SNX1: variants seen among roughly 807,000 people sequenced by gnomAD.
The protein encoded by SNX1 is sorting nexin 1.
In SNX1, 36 loss-of-function variants were observed where a neutral mutation model predicts 71.8. That is an observed-to-expected ratio of 0.50 (90% CI 0.38 to 0.66). The LOEUF is 0.66. SNX1 is among the 30% of genes least tolerant of loss of function. The pLI, the probability that SNX1 is intolerant of heterozygous loss-of-function variation, is 0.00. For synonymous variants in SNX1, 254 were observed against 240.7 expected, an observed-to-expected ratio of 1.06 and a Z score of -0.51; for missense variants, 612 against 646.7, an observed-to-expected ratio of 0.95 and a Z score of 0.58.
chr15:64,107,938 A>G (rs1389764527), intron 1 of SNX1, among the ~76,000 whole-genome samples: 1 of 152,190 alleles, frequency 6.6e-6, no homozygotes. Flanking sequence ...TCACGCCTGT[A>G]ATCCCAGCAC....
At chr15:64,123,378 A>C in intron 4 of SNX1, 125 bp from the exon 5 acceptor site, 1 of 793,642 alleles carries the variant, frequency 1.3e-6, no homozygotes, top group African/African-American at 1.7e-5. Flanking sequence ...TAAAGCTTGG[A>C]GATGAAACAA....
chr15:64,118,781 G>A lies in SNX1; in HGVS notation c.400-7G>A, dbSNP rs755949225. 6.2e-7 allele frequency: 1 copy of A among 1,608,482 alleles called. No homozygotes were observed. The highest frequency in any genetic ancestry group is 1.1e-5 in the South Asian group (1 of 90,594). On this transcript the variant is annotated splice_polypyrimidine_tract_variant and splice_region_variant and intron_variant, in intron 3 of 14. Transcript: ENST00000559844. ...CAACTCTCATGATTTGTCTTTTCTT[G>A]AAAAAGCTAGAGGAAGAAGAACAGG...
chr15:64,106,956 T>C (rs774154296), intron 1 of SNX1, among the ~76,000 whole-genome samples: 32 of 152,208 alleles, frequency 2.1e-4, no homozygotes, highest in Non-Finnish European at 4.3e-4. Flanking sequence ...CAATAAAAAC[T>C]AATAGGCTGT....
At chr15:64,116,760 T>C (rs747940420) in intron 2 of SNX1, among the ~76,000 whole-genome samples, 4 of 152,232 alleles carry the variant, frequency 2.6e-5, no homozygotes, top group South Asian at 2.1e-4. Flanking sequence ...CTAGTTCCAC[T>C]GCTCCAAGTT....
In SNX1 at chr15:64,144,093, G is replaced by A. The variant is rs2081441020; in HGVS notation, c.*6475G>A. 1 of 152,162 alleles carries A rather than the reference G, an allele frequency of 6.6e-6. No individual in the cohort carries two copies. Among genetic ancestry groups the A allele is most frequent in the Non-Finnish European group, 1.5e-5 (1 of 68,028 alleles). The allele number at this position is 152,162 out of a possible 1,614,324, so 9.4% of individuals were successfully genotyped here. Reference sequence around the variant, plus strand: ...ATATGGGAAGGATGTTGATTGAATTGTTAATAACTATGGTCACCTCTAGAG... The same window carrying A: ...ATATGGGAAGGATGTTGATTGAATTATTAATAACTATGGTCACCTCTAGAG... On this transcript the variant is annotated 3_prime_UTR_variant, in exon 15 of 15. Coordinates refer to ENST00000559844, the MANE Select transcript of SNX1 (RefSeq NM_003099.5). The surrounding 1 kb of genome is among the most constrained non-coding windows in gnomAD (Gnocchi z 4.3).
chr15:64,106,030 T>C (rs1329630736), intron 1 of SNX1, among the ~76,000 whole-genome samples: 1 of 152,224 alleles, frequency 6.6e-6, no homozygotes, highest in Non-Finnish European at 1.5e-5. Flanking sequence ...AATTCAGTTT[T>C]AATAAATTAA....
chr15:64,104,884 TAAA>T (rs35090758), intron 1 of SNX1, among the ~76,000 whole-genome samples: 45 of 125,594 alleles, frequency 3.6e-4, no homozygotes, highest in African/African-American at 3.3e-4. Flanking sequence ...GACTTGATCT[TAAA>T]AAAAAAAAAA....
chr15:64,107,866 T>C (rs2081038289), intron 1 of SNX1, among the ~76,000 whole-genome samples: 1 of 152,190 alleles, frequency 6.6e-6, no homozygotes, highest in African/African-American at 2.4e-5. Flanking sequence ...TGAATAGTTA[T>C]GTGACTTACT....
chr15:64,110,409 G>C (rs2081067055), intron 1 of SNX1, among the ~76,000 whole-genome samples: 1 of 152,000 alleles, frequency 6.6e-6, no homozygotes, highest in South Asian at 2.1e-4. Flanking sequence ...GGTTTGTTTT[G>C]TTTTTGAGGC....
chr15:64,131,600 T>C, intron 10 of SNX1, 87 bp from the exon 11 acceptor site: 1 of 1,305,604 alleles, frequency 7.7e-7, no homozygotes, highest in South Asian at 1.3e-5. Context: ...TGGGCGGCAT[T>C]GCTAAGACAT....
intron 1 of SNX1, among the ~76,000 whole-genome samples, chr15:64,100,777 A>G (rs1233383588): frequency 6.6e-6 from 1 of 152,200 alleles, no homozygotes; most frequent in Non-Finnish European, 1.5e-5. Context: ...TCACTATAAC[A>G]TCTTGCGAGA....
chr15:64,106,654 G>A (rs996227503), intron 1 of SNX1, among the ~76,000 whole-genome samples: 2 of 152,284 alleles, frequency 1.3e-5, no homozygotes, highest in South Asian at 2.1e-4. Flanking sequence ...CTGGGACAGT[G>A]TAATCACAAG....
chr15:64,105,227 A>T (rs562085220), intron 1 of SNX1, among the ~76,000 whole-genome samples: 1 of 151,878 alleles, frequency 6.6e-6, no homozygotes, highest in Admixed American at 6.6e-5. Flanking sequence ...TCAAAAAAAA[A>T]AAAAAATTAG....
intron 2 of SNX1, among the ~76,000 whole-genome samples, chr15:64,114,618 T>C (rs576887163): frequency 6.6e-6 from 1 of 152,226 alleles, no homozygotes; most frequent in East Asian, 1.9e-4. Flanking sequence ...GAAACTTCCA[T>C]GTGAACGAGA....
chr15:64,136,078 C>G (rs2081356504), intron 12 of SNX1, among the ~76,000 whole-genome samples: 2 of 152,198 alleles, frequency 1.3e-5, no homozygotes, highest in South Asian at 4.1e-4. Context: ...CATGTCAGAG[C>G]CTTCTTGAAG....
rs866629198 is a variant in SNX1 at position 64,138,057 on chromosome 15, G to A, written c.*439G>A. On this transcript the variant is annotated 3_prime_UTR_variant, in exon 15 of 15. Coordinates refer to ENST00000559844, the MANE Select transcript of SNX1 (RefSeq NM_003099.5). ...TTTTGCTTAGGCTGGGGAGCAGTTG[G>A]GAATCAGGTCTGGAATACTCCTAAC... 13 of 1,528,646 alleles carry A rather than the reference G, an allele frequency of 8.5e-6. No homozygotes were observed. In the African/African-American group the frequency reaches 1.1e-4, roughly 13 times the overall value. 94.7% of individuals were successfully genotyped at this position (1,528,646 alleles called of 1,614,324 possible).
rs57979534 is a variant in SNX1 at position 64,108,987 on chromosome 15, CAA to C, written c.160-3573_160-3572del. Among the ~76,000 whole-genome samples the C allele has an allele frequency of 5.1e-3, 520 of 101,096 alleles. 3 individuals carry two copies. Among genetic ancestry groups the C allele is most frequent in the African/African-American group, 0.015 (494 of 33,202 alleles). 66.3% of individuals were successfully genotyped at this position (101,096 alleles called of 152,430 possible). On this transcript the variant is annotated intron_variant, in intron 1 of 14. Transcript: ENST00000559844. Reference sequence around the variant, plus strand: ...TAGGTGACAGAGTGAGATTCCATCTCAAAAAAAAAAAAAACCAAAAGAGAGAA... The same window carrying C: ...TAGGTGACAGAGTGAGATTCCATCTCAAAAAAAAAAAACCAAAAGAGAGAA...
rs1446223300 is a variant in SNX1 at position 64,095,996 on chromosome 15, C to T, written c.-18C>T. ...TCGATAAAGTTGTTGTTGCGGCTTC[C>T]GCCGCGGGTGGAAGAAGATGGCGTC... On this transcript the variant is annotated 5_prime_UTR_variant, in exon 1 of 15. Coordinates refer to ENST00000559844, the MANE Select transcript of SNX1 (RefSeq NM_003099.5). 6 of 1,593,194 alleles carry T rather than the reference C, an allele frequency of 3.8e-6. No individual in the cohort carries two copies. Among genetic ancestry groups the T allele is most frequent in the Non-Finnish European group, 5.1e-6 (6 of 1,173,752 alleles).
Position 64,141,253 on chromosome 15 carries a change from G to C in SNX1, c.*3635G>C, listed in dbSNP as rs919159044. On this transcript the variant is annotated 3_prime_UTR_variant, in exon 15 of 15. Transcript: ENST00000559844. This position sits in a 1 kb window ranked among gnomAD's most constrained non-coding sequence, Gnocchi z 5.1. Reference sequence around the variant, plus strand: ...AGTTCCATCTAATGATCATTCTGACGTAAGTCTGTTTTTCTTATTTCCTTG... The same window carrying C: ...AGTTCCATCTAATGATCATTCTGACCTAAGTCTGTTTTTCTTATTTCCTTG... 1.3e-5 allele frequency: 2 copies of C among 152,178 alleles called. No individual in the cohort carries two copies. Among genetic ancestry groups the C allele is most frequent in the Non-Finnish European group, 2.9e-5 (2 of 68,038 alleles). 9.4% of individuals were successfully genotyped at this position (152,178 alleles called of 1,614,324 possible).
Sources: allele counts gnomAD v4.1 joint callset (sites outside exome capture counted in the v4.1 genomes callset), GRCh38; gene constraint gnomAD v4.1.1; non-coding constraint Gnocchi (gnomAD v3.1); transcripts MANE v1.5; gene names NCBI Gene and HGNC (gene_info 2026-07-23, HGNC 2026-07-21).